MSN: variants seen among roughly 807,000 people sequenced by gnomAD.
MSN encodes the protein epididymis luminal protein 70.
Under a neutral mutation model 48.0 loss-of-function variants are expected in MSN, and 2 were observed. The ratio of observed to expected loss-of-function variants is 0.04; its 90% CI spans 0.02 to 0.13. The LOEUF (loss-of-function observed/expected upper bound fraction) is 0.13. MSN is among the 10% of genes least tolerant of loss of function. The pLI is 1.00. For synonymous variants in MSN, 146 were observed against 166.9 expected, an observed-to-expected ratio of 0.87 and a Z score of 0.97; for missense variants, 267 against 470.1, an observed-to-expected ratio of 0.57 and a Z score of 3.99.
chrX:65,706,114 A>G (rs2071359541), intron 1 of MSN, among the ~76,000 whole-genome samples: 1 of 111,602 alleles, frequency 9.0e-6, no homozygotes. Context: ...AATGGCCCCT[A>G]GGCTAAAGAT....
At chrX:65,735,877 A>G (rs2071671509) in intron 8 of MSN, among the ~76,000 whole-genome samples, 1 of 112,288 alleles carries the variant, frequency 8.9e-6, no homozygotes, top group Non-Finnish European at 1.9e-5. Flanking sequence ...AGACAAAAAC[A>G]TAGAAGAGGG....
intron 1 of MSN, among the ~76,000 whole-genome samples, chrX:65,712,260 T>A (rs1405292296): frequency 9.0e-6 from 1 of 111,656 alleles, no homozygotes; most frequent in Non-Finnish European, 1.9e-5. Context: ...TGTCCCATTG[T>A]CAATCCTAAA....
Position 65,667,688 on chromosome X carries a change from C to G in MSN, c.-154C>G. 1 of 1,100,538 alleles carries G rather than the reference C, an allele frequency of 9.1e-7. No homozygotes were observed. Among genetic ancestry groups the G allele is most frequent in the East Asian group, 3.4e-5 (1 of 29,419 alleles). 90.7% of individuals were successfully genotyped at this position (1,100,538 alleles called of 1,213,427 possible). On this transcript the variant is annotated 5_prime_UTR_variant, in exon 1 of 13. Coordinates refer to ENST00000360270, the MANE Select transcript of MSN (RefSeq NM_002444.3). ...CTGGGTGGGGTTTGTGAAGTCGTGG[C>G]CCGTTAGCAGGAAGCCTAACAGTCG...
chrX:65,707,925 C>T (rs962002993), intron 1 of MSN, among the ~76,000 whole-genome samples: 2 of 112,608 alleles, frequency 1.8e-5, no homozygotes, highest in African/African-American at 6.4e-5. Context: ...GACACGTACA[C>T]AGAAAACAGG....
intron 1 of MSN, among the ~76,000 whole-genome samples, chrX:65,712,938 A>C (rs1188421460): frequency 9.0e-6 from 1 of 111,485 alleles, no homozygotes; most frequent in East Asian, 2.8e-4. Flanking sequence ...CCTGGATTCA[A>C]ACCCTGTCTC....
chrX:65,676,948 C>T (rs1189621968), intron 1 of MSN, among the ~76,000 whole-genome samples: 4 of 110,599 alleles, frequency 3.6e-5, no homozygotes, highest in Non-Finnish European at 5.7e-5. Flanking sequence ...CCTCAGCCAC[C>T]CAAGTAGCTG....
chrX:65,655,592 C>A lies in MSN; in HGVS notation c.-21-61226C>A, dbSNP rs1391340185. ...CCAGTTTTGGACAGCTGTGACTATA[C>A]AAACCTTCTCCCTCGTGTCCCACTG... On this transcript the variant is annotated intron_variant, in intron 1 of 3. Coordinates refer to the MSN transcript ENST00000609672. Among the ~76,000 whole-genome samples, 6 of 112,247 alleles carry A rather than the reference C, an allele frequency of 5.3e-5. No homozygotes were observed. The East Asian group carries it at 1.4e-3, about 26-fold the overall frequency.
chrX:65,632,226 G>C (rs745940846), intron 1 of MSN, among the ~76,000 whole-genome samples: 2 of 111,659 alleles, frequency 1.8e-5, no homozygotes, highest in Non-Finnish European at 1.9e-5. Context: ...CTGTTATCGT[G>C]GGAGTGGGCT....
intron 1 of MSN, among the ~76,000 whole-genome samples, chrX:65,699,748 C>CAAAAAAA (rs34875923): frequency 2.1e-4 from 9 of 42,925 alleles, no homozygotes; most frequent in Admixed American, 3.2e-4. Context: ...GAATCTGTTT[C>CAAAAAAA]AAAAAAAAAA....
At chrX:65,654,988 CT>C (rs903830178) in intron 1 of MSN, among the ~76,000 whole-genome samples, 3 of 109,467 alleles carry the variant, frequency 2.7e-5, no homozygotes, top group South Asian at 3.9e-4. Context: ...TATTATATTC[CT>C]TTTTTTTTGT....
At chrX:65,681,335 T>G (rs2071052817) in intron 1 of MSN, among the ~76,000 whole-genome samples, 1 of 112,011 alleles carries the variant, frequency 8.9e-6, no homozygotes, top group African/African-American at 3.3e-5. Flanking sequence ...ATTTGGAAGC[T>G]TCTAGCTCTT....
At chrX:65,712,483 A>G (rs956673941) in intron 1 of MSN, among the ~76,000 whole-genome samples, 1 of 110,448 alleles carries the variant, frequency 9.1e-6, no homozygotes, top group Non-Finnish European at 1.9e-5. Flanking sequence ...TGGCAATACT[A>G]TATCTAGTGC....
intron 1 of MSN, among the ~76,000 whole-genome samples, chrX:65,637,764 C>G (rs746332565): frequency 9.0e-6 from 1 of 110,569 alleles, no homozygotes; most frequent in Non-Finnish European, 1.9e-5. Flanking sequence ...TGGGCTCAAG[C>G]GATCCTCCCA....
chrX:65,601,406 C>T (rs2070234095), intron 1 of MSN, among the ~76,000 whole-genome samples: 1 of 112,048 alleles, frequency 8.9e-6, no homozygotes, highest in Non-Finnish European at 1.9e-5. Context: ...GTCACACCTT[C>T]CTCCCTCTCC....
upstream of MSN, among the ~76,000 whole-genome samples, chrX:65,665,256 A>G (rs1176934984): frequency 9.0e-6 from 1 of 111,721 alleles, no homozygotes; most frequent in Non-Finnish European, 1.9e-5. Context: ...TTCTAGGTGA[A>G]CATGAGTGAA....
intron 1 of MSN, among the ~76,000 whole-genome samples, chrX:65,676,757 A>G (rs2071002613): frequency 9.0e-6 from 1 of 111,314 alleles, no homozygotes; most frequent in South Asian, 3.8e-4. Flanking sequence ...GTGTTTAGAT[A>G]AGGTTCCTGA....
chrX:65,729,286 G>A, intron 3 of MSN, 152 bp from the exon 4 acceptor site: 1 of 536,497 alleles, frequency 1.9e-6, no homozygotes, highest in South Asian at 3.3e-5. Context: ...TGAAAGTAAT[G>A]TATTATTTTT....
intron 2 of MSN, among the ~76,000 whole-genome samples, chrX:65,721,734 T>G (rs1183812035): frequency 3.6e-5 from 4 of 111,694 alleles, no homozygotes; most frequent in African/African-American, 1.3e-4. Context: ...TTTCTAATGC[T>G]TTTGATCAAC....
intron 1 of MSN, among the ~76,000 whole-genome samples, chrX:65,702,028 C>T (rs559013210): frequency 2.0e-5 from 2 of 98,790 alleles, no homozygotes; most frequent in African/African-American, 3.8e-5. Context: ...TTTTTTGAGA[C>T]GGAGTCTTCC....
Sources: allele counts gnomAD v4.1 joint callset (sites outside exome capture counted in the v4.1 genomes callset), GRCh38; gene constraint gnomAD v4.1.1; transcripts MANE v1.5; gene names NCBI Gene and HGNC (gene_info 2026-07-23, HGNC 2026-07-21).